DPP6: variants seen among roughly 807,000 people sequenced by gnomAD.
DPP6 encodes dipeptidyl peptidase like 6, also known as A-type potassium channel modulatory protein DPP6.
A neutral mutation model predicts 122.6 loss-of-function variants in DPP6; 69 were observed. That is an observed-to-expected ratio of 0.56 (90% CI 0.46 to 0.69). The LOEUF is 0.69. Ranked by LOEUF, DPP6 falls within the 30% of genes least tolerant of loss-of-function variation. The pLI, the probability that DPP6 is intolerant of heterozygous loss-of-function variation, is 0.00. For missense variants in DPP6, 928 were observed against 1,116.9 expected (o/e 0.83, Z 2.41); for synonymous variants, 418 against 433.1 (o/e 0.97, Z 0.43).
At chr7:154,288,788 A>AT (rs773496034) in intron 1 of DPP6, among the ~76,000 whole-genome samples, 3 of 152,236 alleles carry the variant, frequency 2.0e-5, no homozygotes, top group Admixed American at 2.0e-4. Context: ...GTAAAAAAAA[A>AT]CAGATGCAAA....
intron 1 of DPP6, among the ~76,000 whole-genome samples, chr7:154,060,772 T>C (rs1429226733): frequency 0.014 from 1,435 of 102,368 alleles, 54 homozygotes; most frequent in African/African-American, 0.06. Context: ...CTTCCCCCCC[T>C]GGCTCTTAGG....
chr7:154,283,963 C>T (rs1057017539), intron 1 of DPP6, among the ~76,000 whole-genome samples: 7 of 152,128 alleles, frequency 4.6e-5, no homozygotes, highest in East Asian at 1.9e-4. Context: ...TACATCATGC[C>T]GTATATGGCT....
intron 20 of DPP6, among the ~76,000 whole-genome samples, chr7:154,879,588 C>CAAAA (rs778157355): frequency 3.4e-4 from 14 of 41,602 alleles, no homozygotes; most frequent in African/African-American, 5.3e-4. Context: ...GACTCCGTCT[C>CAAAA]AAAAAAAAAA....
At chr7:154,016,907 C>T (rs562734549) in intron 1 of DPP6, among the ~76,000 whole-genome samples, 2 of 152,138 alleles carry the variant, frequency 1.3e-5, no homozygotes, top group East Asian at 3.9e-4. Flanking sequence ...GGGCAAGGAG[C>T]AATGAAGGAA....
At chr7:153,954,880 C>T (rs535070089) in intron 1 of DPP6, among the ~76,000 whole-genome samples, 9 of 152,274 alleles carry the variant, frequency 5.9e-5, no homozygotes, top group Admixed American at 4.6e-4. Context: ...ATGCATATAT[C>T]CTCTTGGTTC....
chr7:154,234,708 TCTC>T (rs1376771753), intron 1 of DPP6, among the ~76,000 whole-genome samples: 2 of 152,172 alleles, frequency 1.3e-5, no homozygotes, highest in African/African-American at 4.8e-5. Context: ...AGATGAGTTT[TCTC>T]ATTTATGAAA....
intron 16 of DPP6, among the ~76,000 whole-genome samples, chr7:154,826,522 AC>A (rs948205404): frequency 3.7e-4 from 57 of 152,118 alleles, no homozygotes; most frequent in African/African-American, 1.4e-3. Context: ...CTCCACCAAC[AC>A]CCAAAGGCTT....
chr7:153,798,963 T>G, the DPP6 span, among the ~76,000 whole-genome samples: 2 of 152,180 alleles, frequency 1.3e-5, no homozygotes, highest in East Asian at 3.9e-4. Flanking sequence ...ACTGCTGATC[T>G]GACAGGAGGC....
intron 1 of DPP6, among the ~76,000 whole-genome samples, chr7:154,284,899 A>C (rs1397353288): frequency 6.6e-6 from 1 of 152,186 alleles, no homozygotes; most frequent in African/African-American, 2.4e-5. Flanking sequence ...AAATGACATA[A>C]ACTGAACAAA....
At chr7:154,143,551 C>A (rs1795947692) in intron 1 of DPP6, among the ~76,000 whole-genome samples, 1 of 152,036 alleles carries the variant, frequency 6.6e-6, no homozygotes, top group South Asian at 2.1e-4. Context: ...ACTCTAATCA[C>A]CCAAACAGAA....
At chr7:154,506,587 T>C (rs1450159858) in intron 3 of DPP6, among the ~76,000 whole-genome samples, 1 of 152,194 alleles carries the variant, frequency 6.6e-6, no homozygotes, top group Non-Finnish European at 1.5e-5. Flanking sequence ...TAGTATCAAA[T>C]TAATGTGATA....
the DPP6 span, among the ~76,000 whole-genome samples, chr7:153,841,426 T>C: frequency 6.6e-6 from 1 of 152,204 alleles, no homozygotes; most frequent in Admixed American, 6.5e-5. Flanking sequence ...ACCTGCTTTT[T>C]CATCCCCTTC....
intron 7 of DPP6, among the ~76,000 whole-genome samples, chr7:154,726,647 G>C (rs1161602766): frequency 6.6e-6 from 1 of 152,168 alleles, no homozygotes; most frequent in Non-Finnish European, 1.5e-5. Context: ...CCTTGGAGGC[G>C]TTTTCCTTAT....
exon 1 of DPP6, chr7:153,887,422 C>T: frequency 2.4e-6 from 1 of 418,220 alleles, no homozygotes; most frequent in South Asian, 3.9e-5. Flanking sequence ...AAAGCAACAC[C>T]CACCCTCCAT....
chr7:154,520,251 C>T (rs1439685950), intron 3 of DPP6, among the ~76,000 whole-genome samples: 1 of 152,246 alleles, frequency 6.6e-6, no homozygotes, highest in East Asian at 1.9e-4. Context: ...GAGGTGGAAT[C>T]TACACTGTAT....
At chr7:154,067,910 TTTTTTTTG>T (rs921957619) in intron 1 of DPP6, among the ~76,000 whole-genome samples, 1 of 145,728 alleles carries the variant, frequency 6.9e-6, no homozygotes, top group Non-Finnish European at 1.5e-5. Context: ...TTTTTTTGTT[TTTTTTTTG>T]TTTGTTTGTT....
At chr7:154,440,203 A>G (rs1440083109) in intron 1 of DPP6, among the ~76,000 whole-genome samples, 1 of 152,214 alleles carries the variant, frequency 6.6e-6, no homozygotes. Flanking sequence ...CACCACCACC[A>G]CATCCCATTC....
intron 10 of DPP6, among the ~76,000 whole-genome samples, chr7:154,781,661 C>T (rs961541197): frequency 3.3e-5 from 5 of 152,210 alleles, no homozygotes; most frequent in South Asian, 2.1e-4. Context: ...TCAGTTTGCT[C>T]AGCGGTGCCC....
chr7:153,875,479 GA>G, the DPP6 span, among the ~76,000 whole-genome samples: 672 of 151,954 alleles, frequency 4.4e-3, 7 homozygotes, highest in African/African-American at 0.015. Flanking sequence ...ACAATGATTA[GA>G]AAAAAATACC....
Sources: gnomAD v4.1 joint callset for allele counts (sites outside exome capture counted in the v4.1 genomes callset) on GRCh38, gnomAD v4.1.1 for gene constraint, MANE v1.5 for transcripts, NCBI Gene and HGNC (gene_info 2026-07-23, HGNC 2026-07-21) for gene names.